The following DLGAP1 variants were observed in gnomAD, a reference collection of about 807,000 sequenced individuals.
DLGAP1 encodes disks large-associated protein 1.
Under a neutral mutation model 90.8 loss-of-function variants are expected in DLGAP1, and 11 were observed. The observed-to-expected ratio is 0.12, with a 90% CI of 0.08 to 0.20. The LOEUF (loss-of-function observed/expected upper bound fraction) is 0.20. Among genes scored for constraint, DLGAP1 ranks in the 10% least tolerant of loss-of-function variants. The pLI is 1.00. For missense variants in DLGAP1, 1,050 were observed against 1,333.8 expected, an observed-to-expected ratio of 0.79 and a Z score of 3.31; for synonymous variants, 558 against 540.7, an observed-to-expected ratio of 1.03 and a Z score of -0.44.
intron 2 of DLGAP1, among the ~76,000 whole-genome samples, chr18:4,069,348 T>G (rs1402176250): frequency 6.6e-6 from 1 of 152,108 alleles, no homozygotes; most frequent in Non-Finnish European, 1.5e-5. Context: ...CCTTGGGGAT[T>G]GATGATTCTT....
At chr18:3,850,251 C>G (rs947853677) in intron 4 of DLGAP1, among the ~76,000 whole-genome samples, 1 of 151,922 alleles carries the variant, frequency 6.6e-6, no homozygotes, top group Non-Finnish European at 1.5e-5. Flanking sequence ...ATTAGCCAGG[C>G]ATTGTGGTGG....
intron 6 of DLGAP1, among the ~76,000 whole-genome samples, chr18:3,736,599 C>T (rs1020964415): frequency 2.6e-5 from 4 of 152,116 alleles, no homozygotes; most frequent in African/African-American, 9.7e-5. Flanking sequence ...ATCTTAAAAG[C>T]CAACCTCTTT....
intron 7 of DLGAP1, chr18:3,679,941 C>T (rs930492120): frequency 1.3e-5 from 2 of 151,698 alleles, no homozygotes; most frequent in African/African-American, 4.8e-5. Flanking sequence ...CCACTTCAGC[C>T]TCCCAAAGTG....
intron 7 of DLGAP1, among the ~76,000 whole-genome samples, chr18:3,687,703 T>A (rs1264439505): frequency 6.6e-6 from 1 of 152,174 alleles, no homozygotes; most frequent in African/African-American, 2.4e-5. Context: ...TGCAAAAGTG[T>A]ATACAGGACT....
intron 1 of DLGAP1, among the ~76,000 whole-genome samples, chr18:4,412,772 A>C (rs2082807268): frequency 6.6e-6 from 1 of 152,220 alleles, no homozygotes; most frequent in African/African-American, 2.4e-5. Flanking sequence ...AAACATACAG[A>C]GAAGTGAACA....
intron 5 of DLGAP1, among the ~76,000 whole-genome samples, chr18:3,752,916 GTCCAT>G (rs1351191200): frequency 6.6e-6 from 1 of 152,012 alleles, no homozygotes; most frequent in Non-Finnish European, 1.5e-5. Context: ...ACCAAAATCT[GTCCAT>G]TCATCAGTTG....
intron 7 of DLGAP1, among the ~76,000 whole-genome samples, chr18:3,717,560 C>G (rs1270195404): frequency 6.6e-6 from 1 of 152,142 alleles, no homozygotes; most frequent in African/African-American, 2.4e-5. Context: ...CTTTGTTCCT[C>G]AAAGTGGTTT....
At chr18:3,893,612 A>G (rs1007404907) in intron 3 of DLGAP1, among the ~76,000 whole-genome samples, 13 of 149,182 alleles carry the variant, frequency 8.7e-5, no homozygotes, top group Non-Finnish European at 1.6e-4. Flanking sequence ...TAATAATAAT[A>G]ATAATAATAA....
At chr18:3,612,707 A>C (rs2057692185) in intron 7 of DLGAP1, among the ~76,000 whole-genome samples, 1 of 152,258 alleles carries the variant, frequency 6.6e-6, no homozygotes, top group Non-Finnish European at 1.5e-5. Context: ...TTCATAAAAG[A>C]AGTTCTGAAA....
intron 4 of DLGAP1, among the ~76,000 whole-genome samples, chr18:3,865,857 A>T (rs984402474): frequency 2.0e-5 from 3 of 152,228 alleles, no homozygotes; most frequent in Admixed American, 2.0e-4. Context: ...CCTTCTTAGT[A>T]AGTTAAAGTT....
chr18:3,546,457 T>G (rs559930243), intron 9 of DLGAP1, among the ~76,000 whole-genome samples: 1 of 150,046 alleles, frequency 6.7e-6, no homozygotes, highest in Non-Finnish European at 1.5e-5. Flanking sequence ...TTTTTCCTAG[T>G]ACACACAGAG....
intron 1 of DLGAP1, among the ~76,000 whole-genome samples, chr18:4,209,013 C>A (rs932727863): frequency 1.3e-5 from 2 of 152,130 alleles, no homozygotes; most frequent in Non-Finnish European, 2.9e-5. Flanking sequence ...AAGTAAATAA[C>A]GGTAACTGTC....
chr18:3,626,309 A>G (rs2058293525), intron 7 of DLGAP1, among the ~76,000 whole-genome samples: 1 of 151,704 alleles, frequency 6.6e-6, no homozygotes, highest in South Asian at 2.1e-4. Context: ...AAAAAAAAAA[A>G]AAGATCAGGA....
chr18:4,253,964 TCCCTTACTTTC>T (rs2078835067), intron 1 of DLGAP1, among the ~76,000 whole-genome samples: 1 of 152,140 alleles, frequency 6.6e-6, no homozygotes, highest in Admixed American at 6.5e-5. Flanking sequence ...TTCATGTCAG[TCCCTTACTTTC>T]CCCATTCCTT....
chr18:3,600,796 A>T (rs1226232934), intron 7 of DLGAP1, among the ~76,000 whole-genome samples: 2 of 115,772 alleles, frequency 1.7e-5, no homozygotes, highest in African/African-American at 7.6e-5. Flanking sequence ...ATATATAGAT[A>T]TATAGATATA....
chr18:3,661,694 A>G (rs1219189147), intron 7 of DLGAP1, among the ~76,000 whole-genome samples: 2 of 150,128 alleles, frequency 1.3e-5, no homozygotes, highest in Admixed American at 1.4e-4. Context: ...CTCATGCCTC[A>G]GCCTCCCACG....
chr18:3,941,068 C>T (rs756565309), intron 3 of DLGAP1, among the ~76,000 whole-genome samples: 1 of 152,134 alleles, frequency 6.6e-6, no homozygotes, highest in Non-Finnish European at 1.5e-5. Context: ...ATGGGAATGG[C>T]GTTTTCCTCC....
intron 2 of DLGAP1, among the ~76,000 whole-genome samples, chr18:4,011,177 A>C (rs1270614900): frequency 4.4e-5 from 1 of 22,694 alleles, no homozygotes; most frequent in Non-Finnish European, 1.0e-4. Context: ...TTCCGCCTCA[A>C]AAAAAAAAAA....
chr18:4,027,964 C>T (rs1041566451), intron 2 of DLGAP1, among the ~76,000 whole-genome samples: 4 of 152,122 alleles, frequency 2.6e-5, no homozygotes, highest in African/African-American at 9.7e-5. Flanking sequence ...TCAAATGGCC[C>T]TTGATAACCA....
Sources: allele counts gnomAD v4.1 joint callset (sites outside exome capture counted in the v4.1 genomes callset), GRCh38; gene constraint gnomAD v4.1.1; transcripts MANE v1.5; gene names NCBI Gene and HGNC (gene_info 2026-07-23, HGNC 2026-07-21).